Variants in PTGER4 observed in about 807,000 individuals in gnomAD.
PTGER4 encodes the protein prostaglandin E2 receptor EP4 subtype.
PTGER4 carries 11 observed loss-of-function variants against 33.2 expected under a neutral mutation model. That is an observed-to-expected ratio of 0.33 (90% confidence interval 0.21 to 0.55). PTGER4 has a LOEUF of 0.55. Among genes scored for constraint, PTGER4 ranks in the 20% least tolerant of loss-of-function variants. PTGER4 has a pLI of 0.92. For missense variants in PTGER4, 481 were observed against 650.2 expected (o/e 0.74, Z 2.83); for synonymous variants, 275 against 281.5 (o/e 0.98, Z 0.23).
Position 40,691,648 on chromosome 5 carries a change from C to T in PTGER4, c.868-131C>T, listed in dbSNP as rs1741474736. ...GGTTTTTCTGAGGCTTATTATGTAG[C>T]TTCCTCTTTTCCTGGAACTTGTTAC... On this transcript the variant is annotated intron_variant, in intron 2 of 2. Transcript: ENST00000302472. This position sits in a 1 kb window ranked among gnomAD's most constrained non-coding sequence, Gnocchi z 4.2. The T allele has an allele frequency of 1.6e-6, 2 of 1,282,694 alleles. No homozygotes were observed. Among genetic ancestry groups the T allele is most frequent in the Non-Finnish European group, 2.1e-6 (2 of 939,378 alleles). The allele number at this position is 1,282,694 out of a possible 1,614,324, so 79.5% of individuals were successfully genotyped here.
rs1741496339 is a variant in PTGER4 at position 40,692,370 on chromosome 5, T to C, written c.1459T>C (p.Cys487Arg). The change falls in exon 3 of 3, where the codon TGT (cysteine) becomes CGT (arginine). Residue 487 changes from cysteine (C) to arginine (R), a missense_variant. Transcript: ENST00000302472. The part of the protein sequence containing the change: ...PSETLNLSEK[C>R]I ...TGAAACACTGAACTTATCAGAAAAA[T>C]GTATATAATAGGCAAGGAAAGAAAT... 1 of 1,586,674 alleles carries C rather than the reference T, an allele frequency of 6.3e-7. No individual in the cohort carries two copies. The highest frequency in any genetic ancestry group is 8.6e-7 in the Non-Finnish European group (1 of 1,165,246).
the PTGER4 span, among the ~76,000 whole-genome samples, chr5:40,722,438 C>T: frequency 4.0e-5 from 6 of 151,532 alleles, no homozygotes; most frequent in Admixed American, 1.3e-4. Context: ...TCTTCCCGGC[C>T]GTCATCCAGT....
the PTGER4 span, among the ~76,000 whole-genome samples, chr5:40,720,231 T>C: frequency 6.6e-6 from 1 of 152,234 alleles, no homozygotes; most frequent in African/African-American, 2.4e-5. Context: ...TTACATAAAA[T>C]GTGAAGTAAG....
At position 40,691,512 on chromosome 5, in the gene PTGER4, C is replaced by T. The variant is rs941542666; in HGVS notation, c.868-267C>T. 4.6e-5 allele frequency among the ~76,000 whole-genome samples: 7 copies of T among 152,206 alleles called. No homozygotes were observed. Among genetic ancestry groups the T allele is most frequent in the African/African-American group, 1.7e-4 (7 of 41,532 alleles). On this transcript the variant is annotated intron_variant, in intron 2 of 2. Transcript: ENST00000302472. This position sits in a 1 kb window ranked among gnomAD's most constrained non-coding sequence, Gnocchi z 4.2. ...TGTATTTTTAGTAGAGATGGGGTTT[C>T]GCCATGTTGGACAAGTTGGTCTCGG...
chr5:40,745,983 A>G, the PTGER4 span, among the ~76,000 whole-genome samples: 1 of 152,172 alleles, frequency 6.6e-6, no homozygotes, highest in African/African-American at 2.4e-5. Context: ...ATACCATTCT[A>G]TATTTTCTTC....
the PTGER4 span, among the ~76,000 whole-genome samples, chr5:40,746,384 T>C: frequency 6.6e-6 from 1 of 150,600 alleles, no homozygotes. Context: ...TAAATACCTA[T>C]TTTTTTTTAT....
At chr5:40,697,230 G>GAAAGAAAGAAGA (rs1741624514), downstream of PTGER4, among the ~76,000 whole-genome samples, 1 of 33,966 alleles carries the variant, frequency 2.9e-5, no homozygotes, top group Admixed American at 5.1e-4. Flanking sequence ...AAGAAGAAAA[G>GAAAGAAAGAAGA]AAAGAAAGAA....
At chr5:40,745,791 G>A in the PTGER4 span, among the ~76,000 whole-genome samples, 1 of 151,668 alleles carries the variant, frequency 6.6e-6, no homozygotes, top group Non-Finnish European at 1.5e-5. Flanking sequence ...GTGGAGGGCA[G>A]TGGCAAGATC....
At chr5:40,721,336 T>C in the PTGER4 span, among the ~76,000 whole-genome samples, 105,057 of 152,022 alleles carry the variant, frequency 0.69, 36,338 homozygotes, top group East Asian at 0.8. Flanking sequence ...AGGGGCATCA[T>C]ACTCATGAAT....
At chr5:40,708,553 C>CA in the PTGER4 span, among the ~76,000 whole-genome samples, 2 of 152,090 alleles carry the variant, frequency 1.3e-5, no homozygotes, top group South Asian at 2.1e-4. Context: ...GCTTACCAAC[C>CA]AAAAAAACTC....
chr5:40,697,208 GAAAGAAAAAGAAAGAAGA>G, downstream of PTGER4, among the ~76,000 whole-genome samples: 2 of 121,076 alleles, frequency 1.7e-5, no homozygotes, highest in African/African-American at 3.2e-5. Context: ...AAGAAAGAAA[GAAAGAAAAAGAAAGAAGA>G]AAAGAAAGAA....
the PTGER4 span, among the ~76,000 whole-genome samples, chr5:40,700,081 C>T: frequency 6.6e-6 from 1 of 152,108 alleles, no homozygotes. Context: ...GCTAATGTAG[C>T]TAACAAATGA....
rs958534242 is a variant in PTGER4, at chr5:40,681,618, G to A, written c.625G>A (p.Ala209Thr). 1 of 1,605,542 alleles carries A rather than the reference G, an allele frequency of 6.2e-7. No homozygotes were observed. The highest frequency in any genetic ancestry group is 8.5e-7 in the Non-Finnish European group (1 of 1,179,786). The stretch of plus-strand genomic sequence containing the variant: ...CCTCTGCAACGTGCTTGTGTGCGGC[G>A]CGCTGCTCCGCATGCACCGCCAGTT... ...TVLCNVLVCG[A>T]LLRMHRQFMR... Residue 209 changes from alanine (A) to threonine (T), a missense_variant, in exon 2 of 3, where the codon GCG becomes ACG. Physicochemically the swap from Ala to Thr is moderately conservative, Grantham distance 58. Transcript: ENST00000302472. This position sits in a 1 kb window ranked among gnomAD's most constrained non-coding sequence, Gnocchi z 9.8.
chr5:40,734,316 G>GAACAGACTAACAGACT, the PTGER4 span, among the ~76,000 whole-genome samples: 1 of 151,980 alleles, frequency 6.6e-6, no homozygotes. Context: ...ACTTCAGTTT[G>GAACAGACTAACAGACT]GAACAGACTG....
chr5:40,717,229 CAAAAA>C, the PTGER4 span, among the ~76,000 whole-genome samples: 1 of 108,902 alleles, frequency 9.2e-6, no homozygotes, highest in Non-Finnish European at 1.8e-5. Context: ...AACTCCATCT[CAAAAA>C]AAAAAAAAAA....
chr5:40,684,139 A>AACT (rs1741271559), intron 2 of PTGER4, among the ~76,000 whole-genome samples: 1 of 63,706 alleles, frequency 1.6e-5, no homozygotes, highest in Non-Finnish European at 2.8e-5. Context: ...CCCCCCCACA[A>AACT]TTCAGCAATT....
chr5:40,684,184 T>C (rs1741272947), intron 2 of PTGER4, among the ~76,000 whole-genome samples: 1 of 123,990 alleles, frequency 8.1e-6, no homozygotes, highest in Non-Finnish European at 1.6e-5. Context: ...GCAAATACAG[T>C]CTTCCTTGGC....
chr5:40,742,473 GA>G, the PTGER4 span, among the ~76,000 whole-genome samples: 1 of 152,196 alleles, frequency 6.6e-6, no homozygotes, highest in Non-Finnish European at 1.5e-5. Context: ...CAGAGAAGCT[GA>G]ATAACTTGCC....
At chr5:40,719,695 C>A in the PTGER4 span, among the ~76,000 whole-genome samples, 1 of 152,160 alleles carries the variant, frequency 6.6e-6, no homozygotes, top group Non-Finnish European at 1.5e-5. Flanking sequence ...TTTCTCCACA[C>A]CCTCACCAAC....
Sources: allele counts gnomAD v4.1 joint callset (sites outside exome capture counted in the v4.1 genomes callset), GRCh38; gene constraint gnomAD v4.1.1; non-coding constraint Gnocchi (gnomAD v3.1); transcripts MANE v1.5; gene names NCBI Gene and HGNC (gene_info 2026-07-23, HGNC 2026-07-21).